Variants in RABL2A observed in about 807,000 individuals in gnomAD.
RABL2A encodes RAB, member of RAS oncogene family like 2A, also known as rab-like protein 2A.
A neutral mutation model predicts 30.7 loss-of-function variants in RABL2A; 17 were observed. The observed-to-expected ratio is 0.55, with a 90% CI of 0.38 to 0.83. The LOEUF (loss-of-function observed/expected upper bound fraction) is 0.83. Among genes scored for constraint, RABL2A ranks in the 40% least tolerant of loss-of-function variants. The pLI is 0.00. For missense variants in RABL2A, 155 were observed against 272.6 expected (o/e 0.57, Z 3.04); for synonymous variants, 64 against 101.8 (o/e 0.63, Z 2.24).
intron 6 of RABL2A, 30 bp from the exon 7 acceptor site, chr2:113,641,320 TTGA>T: frequency 6.2e-7 from 1 of 1,613,900 alleles, no homozygotes; most frequent in South Asian, 1.1e-5. Flanking sequence ...TTCCCTTCCC[TTGA>T]CAGACCAATG....
At chr2:113,628,756 G>C in intron 2 of RABL2A, 43 bp downstream of exon 2, 1 of 1,183,656 alleles carries the variant, frequency 8.4e-7, no homozygotes, top group South Asian at 1.5e-5. Context: ...CCCAGAGAGG[G>C]TCCAGGTCAT....
At chr2:113,639,285 CAAAA>C (rs1684192127) in intron 5 of RABL2A, among the ~76,000 whole-genome samples, 1 of 150,826 alleles carries the variant, frequency 6.6e-6, no homozygotes. Context: ...GACCCTATCT[CAAAA>C]AACAAAAAGC....
intron 2 of RABL2A, among the ~76,000 whole-genome samples, chr2:113,629,508 C>A (rs1307272665): frequency 7.9e-5 from 12 of 151,970 alleles, no homozygotes; most frequent in Non-Finnish European, 1.8e-4. Flanking sequence ...CCCCACCACA[C>A]AATCACACAC....
intron 2 of RABL2A, among the ~76,000 whole-genome samples, 157 bp from the exon 3 acceptor site, chr2:113,632,758 C>A (rs1680889894): frequency 6.6e-6 from 1 of 152,150 alleles, no homozygotes; most frequent in Non-Finnish European, 1.5e-5. Context: ...TGCTGATACC[C>A]AATTTCCAGA....
At chr2:113,636,712 G>C (rs1214391977) in intron 5 of RABL2A, among the ~76,000 whole-genome samples, 2 of 152,196 alleles carry the variant, frequency 1.3e-5, no homozygotes, top group African/African-American at 4.8e-5. Context: ...CCATGGGCCG[G>C]GTGCGGTGGC....
At chr2:113,633,552 G>T (rs1681255023) in intron 3 of RABL2A, 1 of 198,298 alleles carries the variant, frequency 5.0e-6, no homozygotes, top group Admixed American at 5.3e-5. Context: ...TAAGATCTGA[G>T]TATGTGTTAC....
intron 2 of RABL2A, among the ~76,000 whole-genome samples, chr2:113,629,273 G>T (rs1679323702): frequency 6.6e-6 from 1 of 152,174 alleles, no homozygotes; most frequent in African/African-American, 2.4e-5. Flanking sequence ...ACTGCTGAGG[G>T]CACATGTCCA....
chr2:113,640,492 C>T (rs2104828745), intron 5 of RABL2A: 1 of 283,314 alleles, frequency 3.5e-6, no homozygotes, highest in Middle Eastern at 1.3e-3. Context: ...TCTCCTGCCT[C>T]AGCCTCCCAA....
intron 2 of RABL2A, among the ~76,000 whole-genome samples, chr2:113,630,617 G>A (rs1559122758): frequency 6.6e-6 from 1 of 151,564 alleles, no homozygotes; most frequent in African/African-American, 2.4e-5. Context: ...CAGTCACCAG[G>A]CTTTCTTTAA....
intron 2 of RABL2A, among the ~76,000 whole-genome samples, chr2:113,628,937 G>C (rs1679176648): frequency 6.6e-6 from 1 of 151,944 alleles, no homozygotes; most frequent in Admixed American, 6.5e-5. Context: ...TGTTTCCTCT[G>C]AGCCCTGAGA....
intron 5 of RABL2A, among the ~76,000 whole-genome samples, chr2:113,636,446 G>A (rs960156040): frequency 6.6e-6 from 1 of 152,250 alleles, no homozygotes; most frequent in African/African-American, 2.4e-5. Flanking sequence ...TTTCTTCACA[G>A]TTTGTCAGTT....
intron 5 of RABL2A, chr2:113,638,317 C>T (rs1683732942): frequency 1.0e-6 from 1 of 985,330 alleles, no homozygotes. Context: ...GCCCCTAGCC[C>T]TGAGCTTGAA....
rs761797485 is a variant in RABL2A, at chr2:113,640,944, T to C, written c.348T>C (p.Tyr116=). 5.0e-6 allele frequency: 8 copies of C among 1,613,838 alleles called. No homozygotes were observed. Among genetic ancestry groups the C allele is most frequent in the South Asian group, 1.1e-5 (1 of 91,060 alleles). ...KVTYRNLSTW[Y]TELREFRPEI... ...CCTATAGGAACCTGAGCACCTGGTA[T>C]ACAGAGCTTCGGGAGTTCAGGCCAG... Residue 116 remains tyrosine, a synonymous_variant, in exon 6 of 9, where the codon TAT becomes TAC. Transcript: ENST00000683472.
At position 113,641,420 on chromosome 2, in the gene RABL2A, C is replaced by T. The variant is rs1259593484; in HGVS notation, c.477C>T (p.Val159=). The T allele has an allele frequency of 1.9e-6, 3 of 1,612,002 alleles. No individual in the cohort carries two copies. The highest frequency in any genetic ancestry group is 2.5e-6 in the Non-Finnish European group (3 of 1,179,296). The change falls in exon 7 of 9, where the codon GTC becomes GTT. Residue 159 remains valine (V), a synonymous_variant. Coordinates refer to ENST00000683472, the MANE Select transcript of RABL2A (RefSeq NM_001306158.2). ...AGTTCTCCCTGCCCCTGTATTTCGT[C>T]TCGGCTGCTGATGGTACCAATGTTG... ...AKKFSLPLYF[V]SAADGTNVVK... is the part of the protein sequence containing the mutation.
chr2:113,630,492 C>G (rs1162216698), intron 2 of RABL2A, among the ~76,000 whole-genome samples: 1 of 152,204 alleles, frequency 6.6e-6, no homozygotes, highest in East Asian at 1.9e-4. Context: ...AAAGTTAACA[C>G]TTGTGTTCAT....
chr2:113,627,309 T>G lies in RABL2A; in HGVS notation c.-145T>G, dbSNP rs1678431711. 1.6e-5 allele frequency: 2 copies of G among 128,998 alleles called. 1 individual carries two copies. Among genetic ancestry groups the G allele is most frequent in the Non-Finnish European group, 3.2e-5 (2 of 63,144 alleles). 8.0% of individuals were successfully genotyped at this position (128,998 alleles called of 1,614,324 possible). ...GGTGCGAGCTGGGCCGGCGGGGTGGTTCGAGAGCGCGCAGAGTCCAGACTG... is the reference window on the plus strand; with the variant it reads ...GGTGCGAGCTGGGCCGGCGGGGTGGGTCGAGAGCGCGCAGAGTCCAGACTG... On this transcript the variant is annotated 5_prime_UTR_variant, in exon 1 of 9. Coordinates refer to ENST00000683472, the MANE Select transcript of RABL2A (RefSeq NM_001306158.2).
chr2:113,640,081 A>G (rs1684565721), intron 5 of RABL2A: 1 of 151,858 alleles, frequency 6.6e-6, no homozygotes, highest in Non-Finnish European at 1.5e-5. Flanking sequence ...AGGAGTTTTG[A>G]GGTTACAGTG....
chr2:113,639,829 C>G (rs1423269865), intron 5 of RABL2A, among the ~76,000 whole-genome samples: 1 of 146,926 alleles, frequency 6.8e-6, no homozygotes, highest in African/African-American at 2.6e-5. Context: ...ACACTCCAGC[C>G]TGGGTAACAG....
chr2:113,642,997 T>G lies in RABL2A; in HGVS notation c.*868T>G, dbSNP rs758694296. 1 of 357,378 alleles carries G rather than the reference T, an allele frequency of 2.8e-6. No individual in the cohort carries two copies. Among genetic ancestry groups the G allele is most frequent in the Non-Finnish European group, 5.4e-6 (1 of 185,534 alleles). 22.1% of individuals were successfully genotyped at this position (357,378 alleles called of 1,614,324 possible). On this transcript the variant is annotated 3_prime_UTR_variant, in exon 9 of 9. Transcript: ENST00000683472. Reference sequence around the variant, plus strand: ...ATTCCAGATTTCCGTGTACCCACTCTGTTTCAGGAGCTCTTCTAGGTAAAG... The same window carrying G: ...ATTCCAGATTTCCGTGTACCCACTCGGTTTCAGGAGCTCTTCTAGGTAAAG...
Sources: gnomAD v4.1 joint callset for allele counts (sites outside exome capture counted in the v4.1 genomes callset) on GRCh38, gnomAD v4.1.1 for gene constraint, MANE v1.5 for transcripts, NCBI Gene and HGNC (gene_info 2026-07-23, HGNC 2026-07-21) for gene names.